Variants in TBC1D14 observed in about 807,000 individuals in gnomAD.
The protein encoded by TBC1D14 is TBC1 domain family member 14, also known as TBC1 domain family, member 14.
In TBC1D14, 26 loss-of-function variants were observed where a neutral mutation model predicts 79.0. The ratio of observed to expected loss-of-function variants is 0.33; its 90% CI spans 0.24 to 0.46. The LOEUF is 0.46. Ranked by LOEUF, TBC1D14 falls within the 20% of genes least tolerant of loss-of-function variation. TBC1D14 has a pLI of 1.00. For synonymous variants in TBC1D14, 394 were observed against 349.9 expected (o/e 1.13, Z -1.40); for missense variants, 769 against 887.6 (o/e 0.87, Z 1.70).
chr4:7,029,074 A>C (rs1404733391), intron 13 of TBC1D14, among the ~76,000 whole-genome samples: 4 of 151,322 alleles, frequency 2.6e-5, no homozygotes, highest in Non-Finnish European at 5.9e-5. Flanking sequence ...TCCTGGGCCC[A>C]AGTGATCTTC....
intron 13 of TBC1D14, among the ~76,000 whole-genome samples, chr4:7,026,916 C>T (rs190742363): frequency 6.6e-6 from 1 of 150,838 alleles, no homozygotes; most frequent in Non-Finnish European, 1.5e-5. Flanking sequence ...AACAAACAAA[C>T]AAAAAAAACA....
intron 2 of TBC1D14, among the ~76,000 whole-genome samples, chr4:6,956,577 G>A (rs1385118684): frequency 6.6e-6 from 1 of 152,214 alleles, no homozygotes; most frequent in Non-Finnish European, 1.5e-5. Flanking sequence ...GCCCTAGGAG[G>A]AAGGTGGCAT....
chr4:7,019,508 T>C (rs1721602604), intron 12 of TBC1D14, among the ~76,000 whole-genome samples: 2 of 152,082 alleles, frequency 1.3e-5, no homozygotes, highest in South Asian at 4.1e-4. Context: ...TATGGGCATG[T>C]GGAGGAGGGA....
Position 7,030,352 on chromosome 4 carries a change from G to A in TBC1D14, c.2042G>A (p.Ser681Asn). 3 of 1,614,080 alleles carry A rather than the reference G, an allele frequency of 1.9e-6. No individual in the cohort carries two copies. Among genetic ancestry groups the A allele is most frequent in the Non-Finnish European group, 2.5e-6 (3 of 1,179,938 alleles). The change falls in exon 14 of 14, where the codon AGC becomes AAC. Residue 681 changes from serine to asparagine, a missense_variant. Physicochemically the swap from Ser to Asn is conservative, Grantham distance 46 (BLOSUM62 1). Coordinates refer to ENST00000409757, the MANE Select transcript of TBC1D14 (RefSeq NM_020773.3). ...GTACTGACTGCATTGCAGAAAGACA[G>A]CCGGGAAATGGAGAAGGGAAGTCCG... The part of the protein sequence containing the change: ...AQVLTALQKD[S>N]REMEKGSPSL...
At chr4:7,007,788 G>A (rs1468759907) in intron 9 of TBC1D14, among the ~76,000 whole-genome samples, 1 of 152,200 alleles carries the variant, frequency 6.6e-6, no homozygotes, top group Non-Finnish European at 1.5e-5. Flanking sequence ...ATGCTTTGCA[G>A]CCCCTGCATC....
intron 3 of TBC1D14, among the ~76,000 whole-genome samples, chr4:6,985,552 G>T (rs1717745121): frequency 6.6e-6 from 1 of 152,184 alleles, no homozygotes; most frequent in African/African-American, 2.4e-5. Flanking sequence ...ACTAGAGTAA[G>T]ATGGCTAGGT....
At chr4:7,000,792 G>C (rs776654253) in intron 6 of TBC1D14, among the ~76,000 whole-genome samples, 1 of 152,184 alleles carries the variant, frequency 6.6e-6, no homozygotes, top group Non-Finnish European at 1.5e-5. Context: ...GCTATGTGCT[G>C]TTCCTGTAGG....
chr4:6,935,409 G>A (rs917970583), intron 2 of TBC1D14, among the ~76,000 whole-genome samples: 1 of 152,156 alleles, frequency 6.6e-6, no homozygotes, highest in African/African-American at 2.4e-5. Context: ...GTTCAACAGA[G>A]AAGTGGCTTC....
intron 4 of TBC1D14, chr4:6,995,284 T>G (rs1718900324): frequency 6.6e-6 from 1 of 152,224 alleles, no homozygotes; most frequent in Non-Finnish European, 1.5e-5. Flanking sequence ...ATGAAATCTG[T>G]TCACTTTAAA....
intron 7 of TBC1D14, among the ~76,000 whole-genome samples, chr4:7,004,434 G>A (rs1019281388): frequency 6.6e-6 from 1 of 152,102 alleles, no homozygotes; most frequent in Non-Finnish European, 1.5e-5. Flanking sequence ...TCCCTCCCTC[G>A]GTCATTGAGA....
At chr4:6,925,617 A>G (rs1724231661) in intron 2 of TBC1D14, among the ~76,000 whole-genome samples, 1 of 152,230 alleles carries the variant, frequency 6.6e-6, no homozygotes, top group Non-Finnish European at 1.5e-5. Flanking sequence ...TTCTTCTCGA[A>G]TGTGCTGACA....
intron 3 of TBC1D14, among the ~76,000 whole-genome samples, chr4:6,978,139 G>T (rs2109085900): frequency 6.8e-6 from 1 of 147,040 alleles, no homozygotes; most frequent in East Asian, 2.0e-4. Context: ...CCCCCGCCCG[G>T]CTAGCCGCCC....
At chr4:7,025,320 A>G in intron 13 of TBC1D14, 58 bp downstream of exon 13, 1 of 1,601,040 alleles carries the variant, frequency 6.2e-7, no homozygotes, top group Non-Finnish European at 8.5e-7. Flanking sequence ...GGCGCGACTC[A>G]GGAAGGCCCC....
At chr4:6,933,269 T>A (rs182825963) in intron 2 of TBC1D14, among the ~76,000 whole-genome samples, 1 of 2,192 alleles carries the variant, frequency 4.6e-4, no homozygotes, top group Non-Finnish European at 7.4e-4. Context: ...CTCCCCTCCC[T>A]TCCCCTCCCC....
intron 3 of TBC1D14, among the ~76,000 whole-genome samples, chr4:6,971,120 A>G (rs1716190175): frequency 6.6e-6 from 1 of 152,140 alleles, no homozygotes; most frequent in East Asian, 1.9e-4. Flanking sequence ...AGGTGTGCAC[A>G]CTGGCCAGGA....
chr4:6,985,620 T>A (rs1357323318), intron 3 of TBC1D14, among the ~76,000 whole-genome samples: 1 of 152,222 alleles, frequency 6.6e-6, no homozygotes. Flanking sequence ...GGGGTTATCT[T>A]TTCTTTTGGA....
At chr4:7,019,477 G>A (rs560716532) in intron 12 of TBC1D14, among the ~76,000 whole-genome samples, 2 of 152,276 alleles carry the variant, frequency 1.3e-5, no homozygotes, top group East Asian at 3.9e-4. Flanking sequence ...TGCTGAGCAC[G>A]TCTGGCTTAG....
chr4:7,024,616 C>G (rs528060771), intron 12 of TBC1D14, among the ~76,000 whole-genome samples: 6 of 152,320 alleles, frequency 3.9e-5, no homozygotes, highest in African/African-American at 1.4e-4. Flanking sequence ...TGCAGTGGCG[C>G]CAGCATTGAG....
intron 2 of TBC1D14, among the ~76,000 whole-genome samples, chr4:6,955,170 TC>T (rs1185362736): frequency 6.6e-6 from 1 of 152,242 alleles, no homozygotes; most frequent in Non-Finnish European, 1.5e-5. Context: ...CTGGCCCTTT[TC>T]CCTTGCATTT....
Sources: allele counts gnomAD v4.1 joint callset (sites outside exome capture counted in the v4.1 genomes callset), GRCh38; gene constraint gnomAD v4.1.1; transcripts MANE v1.5; gene names NCBI Gene and HGNC (gene_info 2026-07-23, HGNC 2026-07-21).